The following SRGAP3 variants were observed in gnomAD, a reference collection of about 807,000 sequenced individuals.
SRGAP3 encodes the protein SLIT-ROBO Rho GTPase activating protein 3, also known as SLIT-ROBO Rho GTPase-activating protein 3.
In SRGAP3, 39 loss-of-function variants were observed where a neutral mutation model predicts 121.1. That is an observed-to-expected ratio of 0.32 (90% confidence interval 0.25 to 0.42). The LOEUF is 0.42. Among genes scored for constraint, SRGAP3 ranks in the 10% least tolerant of loss-of-function variants. The probability of loss-of-function intolerance (pLI) is 1.00; values close to 1 mark genes in which losing one functional copy is unlikely to be tolerated. For synonymous variants in SRGAP3, 601 were observed against 570.0 expected (o/e 1.05, Z -0.77); for missense variants, 1,213 against 1,470.6 (o/e 0.82, Z 2.86).
chr3:9,320,915 T>C (rs1955428943), intron 3 of SRGAP3, among the ~76,000 whole-genome samples: 1 of 151,850 alleles, frequency 6.6e-6, no homozygotes, highest in African/African-American at 2.4e-5. Context: ...ATATATATAG[T>C]GTGTATATAC....
chr3:9,117,329 G>GA (rs1222880598), intron 2 of SRGAP3, among the ~76,000 whole-genome samples: 9 of 152,280 alleles, frequency 5.9e-5, no homozygotes, highest in African/African-American at 1.9e-4. Flanking sequence ...CTACATCTGT[G>GA]AAAAAAATCC....
At chr3:9,059,981 T>C in intron 6 of SRGAP3, 1 of 515,580 alleles carries the variant, frequency 1.9e-6, no homozygotes, top group Non-Finnish European at 3.5e-6. Flanking sequence ...CCATTGGATA[T>C]ACAACTGCCC....
intron 1 of SRGAP3, among the ~76,000 whole-genome samples, chr3:9,237,700 G>A (rs950767017): frequency 6.6e-6 from 1 of 152,198 alleles, no homozygotes; most frequent in Non-Finnish European, 1.5e-5. Context: ...AACCAGTACA[G>A]GCCAGCATGA....
At chr3:9,057,491 G>A (rs1453492060) in intron 7 of SRGAP3, among the ~76,000 whole-genome samples, 1 of 152,190 alleles carries the variant, frequency 6.6e-6, no homozygotes, top group Non-Finnish European at 1.5e-5. Context: ...AAGTAAGTGG[G>A]CAGAGCCATG....
chr3:9,001,299 G>A (rs958073434), intron 18 of SRGAP3, among the ~76,000 whole-genome samples: 2 of 152,096 alleles, frequency 1.3e-5, no homozygotes, highest in Non-Finnish European at 2.9e-5. Flanking sequence ...TGCTTACCCG[G>A]ATCTAATCAT....
chr3:9,069,724 A>G (rs1575020307), intron 4 of SRGAP3, among the ~76,000 whole-genome samples: 1 of 152,310 alleles, frequency 6.6e-6, no homozygotes, highest in East Asian at 1.9e-4. Flanking sequence ...CAAGGCGGGC[A>G]GATCACAAGA....
chr3:9,227,321 G>A (rs912597627), intron 1 of SRGAP3, among the ~76,000 whole-genome samples: 5 of 152,200 alleles, frequency 3.3e-5, no homozygotes, highest in Non-Finnish European at 7.3e-5. Context: ...TGCCATGAAT[G>A]TTGTAAATTT....
At position 9,032,735 on chromosome 3, in the gene SRGAP3, G is replaced by T; in HGVS notation, c.1454C>A (p.Pro485His). 6.2e-7 allele frequency: 1 copy of T among 1,613,460 alleles called. No homozygotes were observed. The highest frequency in any genetic ancestry group is 8.5e-7 in the Non-Finnish European group (1 of 1,179,854). The change falls in exon 12 of 22, where the codon CCT (proline) becomes CAT (histidine). Residue 485 changes from proline (P) to histidine (H), a missense_variant. Coordinates refer to ENST00000383836, the MANE Select transcript of SRGAP3 (RefSeq NM_014850.4). ...AGGTCTCCTCATTTTCTGTGGTTTA[G>T]GGGGAAGACAGGGGGGCCTAGGGGA... The part of the protein sequence containing the change: ...CGTTRPPCLP[P>H]KPQKMRRPRP...
At chr3:9,224,717 C>T (rs759693558) in intron 1 of SRGAP3, among the ~76,000 whole-genome samples, 2 of 152,110 alleles carry the variant, frequency 1.3e-5, no homozygotes, top group Non-Finnish European at 2.9e-5. Flanking sequence ...GATGGCTGTA[C>T]CATGGATGGC....
At chr3:9,124,256 AG>A (rs1949134667) in intron 2 of SRGAP3, among the ~76,000 whole-genome samples, 1 of 152,158 alleles carries the variant, frequency 6.6e-6, no homozygotes, top group Non-Finnish European at 1.5e-5. Flanking sequence ...AGCAAGGAAG[AG>A]GAATGTTTGA....
At chr3:9,084,039 C>T (rs188503452) in intron 3 of SRGAP3, among the ~76,000 whole-genome samples, 19 of 152,262 alleles carry the variant, frequency 1.2e-4, no homozygotes, top group Admixed American at 9.2e-4. Context: ...TTGGTCAATG[C>T]GATAGTATCT....
At chr3:9,005,282 G>T (rs61131478) in intron 18 of SRGAP3, among the ~76,000 whole-genome samples, 3,552 of 152,224 alleles carry the variant, frequency 0.023, 130 homozygotes, top group African/African-American at 0.077. Context: ...AGTAACAAGT[G>T]CTAGCAAGGA....
intron 6 of SRGAP3, 75 bp from the exon 7 acceptor site, chr3:9,058,547 G>T: frequency 7.0e-7 from 1 of 1,438,736 alleles, no homozygotes. Flanking sequence ...CCACCACAGT[G>T]ACTTACAATT....
intron 1 of SRGAP3, among the ~76,000 whole-genome samples, chr3:9,333,419 C>G (rs1955641449): frequency 6.6e-6 from 1 of 152,284 alleles, no homozygotes; most frequent in African/African-American, 2.4e-5. Context: ...TCCTTCCTCT[C>G]CATTTCTCAT....
chr3:9,160,674 T>G (rs1950574637), intron 1 of SRGAP3, among the ~76,000 whole-genome samples: 1 of 152,226 alleles, frequency 6.6e-6, no homozygotes, highest in Non-Finnish European at 1.5e-5. Flanking sequence ...TGTTTTAAAC[T>G]GGTACATTTT....
chr3:9,344,382 G>A (rs1433427093), intron 1 of SRGAP3, among the ~76,000 whole-genome samples: 1 of 152,148 alleles, frequency 6.6e-6, no homozygotes, highest in Non-Finnish European at 1.5e-5. Flanking sequence ...TTGAACCTGG[G>A]AGGCAGAGGT....
At chr3:9,104,928 A>G (rs1948363243) in intron 2 of SRGAP3, 86 bp from the exon 3 acceptor site, 2 of 1,540,926 alleles carry the variant, frequency 1.3e-6, no homozygotes, top group Non-Finnish European at 1.8e-6. Context: ...CAGCTCTTTT[A>G]ACCTCCACGG....
chr3:9,057,207 C>T (rs1055662533), intron 7 of SRGAP3, among the ~76,000 whole-genome samples: 3 of 152,154 alleles, frequency 2.0e-5, no homozygotes, highest in East Asian at 1.9e-4. Context: ...GGATTACAGA[C>T]GTGAGCCACC....
intron 2 of SRGAP3, among the ~76,000 whole-genome samples, chr3:9,115,465 G>A (rs1303933366): frequency 1.3e-5 from 2 of 152,084 alleles, no homozygotes; most frequent in African/African-American, 2.4e-5. Context: ...AAGAAATCAC[G>A]TCCTAGTTAA....
Sources: allele counts gnomAD v4.1 joint callset (sites outside exome capture counted in the v4.1 genomes callset), GRCh38; gene constraint gnomAD v4.1.1; transcripts MANE v1.5; gene names NCBI Gene and HGNC (gene_info 2026-07-23, HGNC 2026-07-21).